The following PRKCA variants were observed in gnomAD, a reference collection of about 807,000 sequenced individuals.
PRKCA encodes the protein protein kinase C alpha type.
A neutral mutation model predicts 87.0 loss-of-function variants in PRKCA; 27 were observed. The observed-to-expected ratio is 0.31, with a 90% CI of 0.23 to 0.43. The LOEUF (loss-of-function observed/expected upper bound fraction) is 0.43, where lower values mean the gene tolerates loss of function less well. PRKCA is among the 20% of genes least tolerant of loss of function. PRKCA has a pLI of 1.00. For synonymous variants in PRKCA, 329 were observed against 311.1 expected (o/e 1.06, Z -0.61); for missense variants, 518 against 852.3 (o/e 0.61, Z 4.88).
chr17:66,705,176 A>G (rs1156602992), intron 8 of PRKCA, among the ~76,000 whole-genome samples: 1 of 152,222 alleles, frequency 6.6e-6, no homozygotes, highest in Non-Finnish European at 1.5e-5. Flanking sequence ...AAGGGGGAAA[A>G]AAATCTATAA....
At chr17:66,690,318 G>A (rs1456979209) in intron 8 of PRKCA, among the ~76,000 whole-genome samples, 2 of 152,122 alleles carry the variant, frequency 1.3e-5, no homozygotes, top group Non-Finnish European at 2.9e-5. Context: ...GGCAGGCCTC[G>A]GGATTGAAGC....
intron 3 of PRKCA, among the ~76,000 whole-genome samples, chr17:66,582,666 TAGC>T (rs1969481041): frequency 6.6e-6 from 1 of 152,200 alleles, no homozygotes; most frequent in South Asian, 2.1e-4. Flanking sequence ...ATGTCTTTAT[TAGC>T]AGCGTGAGAG....
chr17:66,781,106 T>TA (rs1249675845), intron 14 of PRKCA, among the ~76,000 whole-genome samples: 2 of 151,966 alleles, frequency 1.3e-5, no homozygotes, highest in African/African-American at 4.8e-5. Context: ...CTCAAAAAAA[T>TA]AAAAAATATA....
At chr17:66,632,763 C>T (rs148222999) in intron 3 of PRKCA, among the ~76,000 whole-genome samples, 1 of 152,310 alleles carries the variant, frequency 6.6e-6, no homozygotes, top group African/African-American at 2.4e-5. Flanking sequence ...TTTGATTTAA[C>T]TGCCATGGAG....
At chr17:66,774,245 C>T in intron 14 of PRKCA, 178 bp downstream of exon 14, 1 of 1,452,460 alleles carries the variant, frequency 6.9e-7, no homozygotes, top group Non-Finnish European at 9.1e-7. Flanking sequence ...GTTCAGTATG[C>T]ACAGAAATTA....
chr17:66,804,063 C>T lies in PRKCA; in HGVS notation c.*26C>T. On this transcript the variant is annotated 3_prime_UTR_variant, in exon 17 of 17. Coordinates refer to ENST00000413366, the MANE Select transcript of PRKCA (RefSeq NM_002737.3). ...AACTCACCAGCGAGAACAAACACCT[C>T]CCCAGCCCCCAGCCCTCCCCGCAGT... The T allele has an allele frequency of 6.3e-7, 1 of 1,585,376 alleles. No individual in the cohort carries two copies. Among genetic ancestry groups the T allele is most frequent in the Non-Finnish European group, 8.6e-7 (1 of 1,158,728 alleles).
At chr17:66,735,362 A>G in intron 9 of PRKCA, 127 bp from the exon 10 acceptor site, 3 of 970,636 alleles carry the variant, frequency 3.1e-6, no homozygotes, top group Non-Finnish European at 4.7e-6. Context: ...AAAGTTTAAT[A>G]TTTTTATGTT....
chr17:66,352,493 G>A (rs536222899), intron 2 of PRKCA, among the ~76,000 whole-genome samples: 28 of 151,620 alleles, frequency 1.8e-4, no homozygotes, highest in African/African-American at 4.8e-4. Flanking sequence ...TTAGCTTTAG[G>A]GCAGATGAAA....
intron 3 of PRKCA, among the ~76,000 whole-genome samples, chr17:66,610,432 A>C (rs1212759370): frequency 6.6e-6 from 1 of 152,002 alleles, no homozygotes; most frequent in Non-Finnish European, 1.5e-5. Context: ...GAGACTGGGG[A>C]GCAGTAGAGC....
intron 8 of PRKCA, among the ~76,000 whole-genome samples, chr17:66,701,002 T>A (rs1380632743): frequency 6.6e-6 from 1 of 152,104 alleles, no homozygotes; most frequent in Non-Finnish European, 1.5e-5. Context: ...TAAAGTAATA[T>A]GGAGCAAGAA....
chr17:66,438,865 G>C (rs1913558332), intron 2 of PRKCA, among the ~76,000 whole-genome samples: 1 of 152,142 alleles, frequency 6.6e-6, no homozygotes, highest in South Asian at 2.1e-4. Context: ...TGCCCCCCAT[G>C]ATTCAATTAT....
intron 8 of PRKCA, among the ~76,000 whole-genome samples, chr17:66,728,056 A>G (rs982312769): frequency 1.3e-5 from 2 of 152,222 alleles, no homozygotes; most frequent in African/African-American, 4.8e-5. Flanking sequence ...GTTTCCTACC[A>G]TAACAGAGCT....
rs1351389829 is a variant in PRKCA, at chr17:66,785,356, C to T, written c.1606-1511C>T. ...TGACTACTGCGAAGTTACCTGTGAT[C>T]GAGGATTCAGTTCAAAATTAAGCCA... On this transcript the variant is annotated intron_variant, in intron 14 of 16. Transcript: ENST00000413366. 3.9e-5 allele frequency among the ~76,000 whole-genome samples: 6 copies of T among 152,114 alleles called. No individual in the cohort carries two copies. In the South Asian group the frequency reaches 8.3e-4, roughly 21 times the overall value.
chr17:66,491,440 C>A (rs1363439443), intron 2 of PRKCA, among the ~76,000 whole-genome samples: 1 of 152,230 alleles, frequency 6.6e-6, no homozygotes, highest in South Asian at 2.1e-4. Context: ...TTCCATGACA[C>A]GTCTCCACTT....
intron 2 of PRKCA, among the ~76,000 whole-genome samples, chr17:66,410,914 T>C (rs1195945246): frequency 6.6e-6 from 1 of 152,090 alleles, no homozygotes; most frequent in African/African-American, 2.4e-5. Context: ...TAAATTACTT[T>C]TTCATGTGTG....
In PRKCA at chr17:66,508,694, C is replaced by T. The variant is rs147771303; in HGVS notation, c.288+12411C>T. Among the ~76,000 whole-genome samples, 549 of 152,228 alleles carry T rather than the reference C, an allele frequency of 3.6e-3. 3 individuals carry two copies. The highest frequency in any genetic ancestry group is 0.012 in the African/African-American group (500 of 41,510). On this transcript the variant is annotated intron_variant, in intron 3 of 16. Coordinates refer to ENST00000413366, the MANE Select transcript of PRKCA (RefSeq NM_002737.3). ...GCACCTAATAGGTTTCCAAGTGCTA[C>T]GAGTTCTGCTTTCAACTCTCTTTCC...
rs12602588 is a variant in PRKCA, at chr17:66,664,102, A to G, written c.529+18591A>G. Among the ~76,000 whole-genome samples the G allele has an allele frequency of 1.6e-3, 238 of 152,144 alleles. 4 individuals are homozygous for G. The East Asian group carries it at 0.033, about 21-fold the overall frequency. On this transcript the variant is annotated intron_variant, in intron 5 of 16. Coordinates refer to ENST00000413366, the MANE Select transcript of PRKCA (RefSeq NM_002737.3). ...GGGCAGGTCTCGAACTCCTGGCCTC[A>G]AGTGATCCACCCGCCTCGGGCTCCC...
intron 14 of PRKCA, chr17:66,778,226 G>T: frequency 1.0e-6 from 1 of 984,410 alleles, no homozygotes; most frequent in Non-Finnish European, 1.2e-6. Flanking sequence ...TATTAAAAAC[G>T]GTGATGGCTG....
intron 2 of PRKCA, among the ~76,000 whole-genome samples, chr17:66,469,324 A>C (rs2144006396): frequency 6.6e-6 from 1 of 152,310 alleles, no homozygotes; most frequent in Admixed American, 6.5e-5. Flanking sequence ...TTATTTGTTT[A>C]GTGTAGGAGT....
Sources: allele counts gnomAD v4.1 joint callset (sites outside exome capture counted in the v4.1 genomes callset), GRCh38; gene constraint gnomAD v4.1.1; transcripts MANE v1.5; gene names NCBI Gene and HGNC (gene_info 2026-07-23, HGNC 2026-07-21).